The following PKIG variants were observed in gnomAD, a reference collection of about 807,000 sequenced individuals.
The protein encoded by PKIG is cAMP-dependent protein kinase inhibitor gamma.
In PKIG, 1 loss-of-function variant was observed where a neutral mutation model predicts 6.8. The observed-to-expected ratio is 0.15, with a 90% confidence interval of 0.05 to 0.69. The LOEUF (loss-of-function observed/expected upper bound fraction) is 0.69, where lower values mean the gene tolerates loss of function less well. Among genes scored for constraint, PKIG ranks in the 30% least tolerant of loss-of-function variants. The pLI is 0.82. For synonymous variants in PKIG, 39 were observed against 43.0 expected (o/e 0.91, Z 0.36); for missense variants, 77 against 104.0 (o/e 0.74, Z 1.13).
chr20:44,577,816 A>G (rs1465553391), upstream of PKIG, among the ~76,000 whole-genome samples: 3 of 152,036 alleles, frequency 2.0e-5, no homozygotes, highest in Non-Finnish European at 4.4e-5. Context: ...TACTCCTTCA[A>G]CAGATATCCG....
chr20:44,567,095 T>C (rs2064816675), intron 1 of PKIG, among the ~76,000 whole-genome samples: 1 of 152,154 alleles, frequency 6.6e-6, no homozygotes, highest in Admixed American at 6.5e-5. Context: ...AAAGCATTTC[T>C]TAAAAAAAAG....
rs1349674429 is a variant in PKIG, at chr20:44,582,792, GGCAGAGCTCTCT to G, written c.-94+63_-94+74del. On this transcript the variant is annotated intron_variant, in intron 1 of 3. Transcript: ENST00000372886. ...CCCCCAGGGAGAAGCAGAGCTTGGA[GGCAGAGCTCTCT>G]GGAGAGCTTGCTTTCCAGCCTGTTG... 2.1e-4 allele frequency: 32 copies of G among 152,336 alleles called. 1 individual carries two copies. The highest frequency in any genetic ancestry group is 7.5e-4 in the African/African-American group (31 of 41,426). The allele number at this position is 152,336 out of a possible 1,614,324, so 9.4% of individuals were successfully genotyped here. A position where few individuals can be genotyped will look rare whatever the true frequency, so the allele number is the denominator to read the frequency against.
At chr20:44,591,187 G>C (rs1162698484) in intron 2 of PKIG, among the ~76,000 whole-genome samples, 1 of 152,136 alleles carries the variant, frequency 6.6e-6, no homozygotes, top group East Asian at 1.9e-4. Context: ...GCGGGGACAG[G>C]CTGGGGGCTT....
At chr20:44,579,478 C>T (rs980265874), upstream of PKIG, among the ~76,000 whole-genome samples, 2 of 152,242 alleles carry the variant, frequency 1.3e-5, no homozygotes, top group African/African-American at 4.8e-5. Context: ...GGCTCTGCCC[C>T]TTGCTCCCGT....
rs145068748 is a variant in PKIG, at chr20:44,611,808, T to C, written c.-23-2726T>C. Among the ~76,000 whole-genome samples, 196 of 152,264 alleles carry C rather than the reference T, an allele frequency of 1.3e-3. 1 individual carries two copies. The East Asian group carries it at 0.031, about 24-fold the overall frequency. On this transcript the variant is annotated intron_variant, in intron 2 of 3. Coordinates refer to ENST00000372886, the MANE Select transcript of PKIG (RefSeq NM_001281445.2). ...TACTGGGATTACAGGTGTGAGCCAC[T>C]GTGCCTAGCCGATAACAAATTTTTT...
At chr20:44,540,799 C>A (rs1489469247) in intron 1 of PKIG, among the ~76,000 whole-genome samples, 1 of 152,174 alleles carries the variant, frequency 6.6e-6, no homozygotes, top group African/African-American at 2.4e-5. Context: ...CCAGGCTGAT[C>A]TTGAACTCTT....
At chr20:44,615,689 C>T (rs1204769983) in intron 3 of PKIG, among the ~76,000 whole-genome samples, 1 of 152,180 alleles carries the variant, frequency 6.6e-6, no homozygotes, top group African/African-American at 2.4e-5. Context: ...AACTGTCTCC[C>T]CGTGGGCTGT....
chr20:44,616,005 C>G (rs569956535), intron 3 of PKIG, among the ~76,000 whole-genome samples: 17 of 152,334 alleles, frequency 1.1e-4, no homozygotes, highest in African/African-American at 4.1e-4. Flanking sequence ...GTGGCCCAGG[C>G]AGAACCTCCA....
intron 1 of PKIG, among the ~76,000 whole-genome samples, chr20:44,543,630 G>T (rs1280925690): frequency 6.6e-6 from 1 of 152,148 alleles, no homozygotes; most frequent in Non-Finnish European, 1.5e-5. Context: ...ACTGTCACAG[G>T]CTTCTTTCCC....
intron 2 of PKIG, among the ~76,000 whole-genome samples, chr20:44,612,237 CTTCATAA>C (rs2065226216): frequency 6.6e-6 from 1 of 152,240 alleles, no homozygotes; most frequent in Non-Finnish European, 1.5e-5. Flanking sequence ...TTTATGACTA[CTTCATAA>C]TTCACGCGAT....
At chr20:44,539,521 C>T (rs1453850015) in intron 1 of PKIG, among the ~76,000 whole-genome samples, 2 of 151,620 alleles carry the variant, frequency 1.3e-5, no homozygotes, top group East Asian at 1.9e-4. Flanking sequence ...CATGTTCAAG[C>T]GATTCTTCTG....
At chr20:44,564,255 T>C (rs1465805620) in intron 1 of PKIG, 1 of 152,152 alleles carries the variant, frequency 6.6e-6, no homozygotes, top group African/African-American at 2.4e-5. Context: ...TCTCTTAGGG[T>C]ATGGGATTGT....
chr20:44,605,976 T>C (rs1350585484), intron 2 of PKIG, among the ~76,000 whole-genome samples: 1 of 152,174 alleles, frequency 6.6e-6, no homozygotes, highest in Non-Finnish European at 1.5e-5. Context: ...AAGACATTTC[T>C]AATTATGTTA....
intron 1 of PKIG, among the ~76,000 whole-genome samples, chr20:44,558,571 CTTT>C (rs762093662): frequency 1.0e-4 from 13 of 126,194 alleles, no homozygotes; most frequent in South Asian, 5.3e-4. Context: ...TTCTTTTTTT[CTTT>C]TTTCTTTCTT....
chr20:44,575,790 C>A (rs1600865194), intron 1 of PKIG, among the ~76,000 whole-genome samples: 1 of 152,176 alleles, frequency 6.6e-6, no homozygotes, highest in East Asian at 1.9e-4. Flanking sequence ...AGCTTTTGGG[C>A]CCTCTGTGTG....
chr20:44,605,353 G>A (rs1481681058), intron 2 of PKIG, among the ~76,000 whole-genome samples: 1 of 141,870 alleles, frequency 7.0e-6, no homozygotes, highest in Non-Finnish European at 1.5e-5. Context: ...CTTGCAGTGA[G>A]TCCAGATTGC....
intron 1 of PKIG, among the ~76,000 whole-genome samples, 190 bp downstream of exon 1, chr20:44,582,921 C>T (rs1334053903): frequency 6.6e-6 from 1 of 152,152 alleles, no homozygotes; most frequent in Non-Finnish European, 1.5e-5. Context: ...TAGTCGGAGC[C>T]TCCAGTCTCA....
At chr20:44,600,485 C>A (rs1389816805) in intron 2 of PKIG, among the ~76,000 whole-genome samples, 1 of 152,006 alleles carries the variant, frequency 6.6e-6, no homozygotes, top group Non-Finnish European at 1.5e-5. Context: ...GTGAGACATT[C>A]CGGAGCCTGG....
At chr20:44,579,561 TC>T (rs1791475580), upstream of PKIG, among the ~76,000 whole-genome samples, 2 of 152,228 alleles carry the variant, frequency 1.3e-5, no homozygotes, top group Non-Finnish European at 2.9e-5. Context: ...ATTAATAATG[TC>T]TCCTGCACCC....
Sources: gnomAD v4.1 joint callset for allele counts (sites outside exome capture counted in the v4.1 genomes callset) on GRCh38, gnomAD v4.1.1 for gene constraint, MANE v1.5 for transcripts, NCBI Gene and HGNC (gene_info 2026-07-23, HGNC 2026-07-21) for gene names.